Variants in CHRNA3 observed in about 807,000 individuals in gnomAD.
The protein encoded by CHRNA3 is cholinergic receptor nicotinic alpha 3 subunit, also known as neuronal acetylcholine receptor subunit alpha-3.
In CHRNA3, 34 loss-of-function variants were observed where a neutral mutation model predicts 41.9. The observed-to-expected ratio is 0.81, with a 90% confidence interval of 0.62 to 1.08. CHRNA3 has a LOEUF of 1.08. CHRNA3 is among the 50% of genes least tolerant of loss of function. The pLI, the probability that CHRNA3 is intolerant of heterozygous loss-of-function variation, is 0.00. For synonymous variants in CHRNA3, 281 were observed against 265.2 expected (o/e 1.06, Z -0.58); for missense variants, 542 against 638.3 (o/e 0.85, Z 1.63).
chr15:78,597,426 G>A (rs1381010313), intron 5 of CHRNA3, among the ~76,000 whole-genome samples: 1 of 135,310 alleles, frequency 7.4e-6, no homozygotes, highest in African/African-American at 2.8e-5. Context: ...GCGAGACCCT[G>A]TCTCAAAAAC....
intron 4 of CHRNA3, among the ~76,000 whole-genome samples, chr15:78,604,612 C>T (rs1211565285): frequency 6.6e-6 from 1 of 152,222 alleles, no homozygotes; most frequent in African/African-American, 2.4e-5. Context: ...CATATCTCTA[C>T]TAGCAGAAGA....
chr15:78,606,390 C>G (rs937828029), intron 4 of CHRNA3, among the ~76,000 whole-genome samples: 4 of 145,660 alleles, frequency 2.7e-5, no homozygotes, highest in African/African-American at 7.6e-5. Flanking sequence ...ACGCAGATAA[C>G]AGCAACTACA....
chr15:78,618,571 AC>A (rs2053500243), intron 3 of CHRNA3, 45 bp downstream of exon 3: 1 of 1,611,276 alleles, frequency 6.2e-7, no homozygotes, highest in Non-Finnish European at 8.5e-7. Flanking sequence ...AGCAAATAAA[AC>A]AGTCACCACC....
At chr15:78,613,769 A>C (rs973218210) in intron 4 of CHRNA3, among the ~76,000 whole-genome samples, 2 of 73,526 alleles carry the variant, frequency 2.7e-5, no homozygotes, top group African/African-American at 1.8e-4. Context: ...AACAAACAAA[A>C]AAAAAACCAA....
intron 5 of CHRNA3, among the ~76,000 whole-genome samples, chr15:78,597,459 CATCT>C (rs1236501253): frequency 4.6e-5 from 7 of 152,008 alleles, no homozygotes; most frequent in African/African-American, 1.7e-4. Context: ...TTCCTTTTAA[CATCT>C]GTTCCAAAAA....
downstream of CHRNA3, chr15:78,593,167 G>A: frequency 6.2e-7 from 1 of 1,613,824 alleles, no homozygotes; most frequent in East Asian, 2.2e-5. Flanking sequence ...CGTTTCAATT[G>A]TTGGATCTCT....
intron 4 of CHRNA3, among the ~76,000 whole-genome samples, chr15:78,605,229 T>A (rs1222512607): frequency 2.0e-5 from 3 of 152,094 alleles, no homozygotes; most frequent in African/African-American, 7.2e-5. Context: ...CATGATGGCA[T>A]GGGTTTTTAA....
At chr15:78,616,349 T>TCCCC (rs2053460568) in intron 4 of CHRNA3, among the ~76,000 whole-genome samples, 1 of 130,952 alleles carries the variant, frequency 7.6e-6, no homozygotes, top group African/African-American at 3.0e-5. Context: ...AGACTCAGTC[T>TCCCC]TCCCCCCCCC....
chr15:78,618,616 C>CT lies in CHRNA3; in HGVS notation c.267dup (p.Ile90AsnfsTer4). ...GCAGTGCCTAGGGTCTGGTCACTTA[C>CT]TTGCTTGAGCCACAGGTTGGTCTCC... On this transcript the variant is annotated frameshift_variant and splice_region_variant. Transcript: ENST00000326828. LOFTEE classifies it high-confidence loss of function. 6.2e-7 allele frequency: 1 copy of CT among 1,614,136 alleles called. No individual in the cohort carries two copies. The highest frequency in any genetic ancestry group is 8.5e-7 in the Non-Finnish European group (1 of 1,180,036).
intron 4 of CHRNA3, among the ~76,000 whole-genome samples, chr15:78,611,654 CG>C (rs2053381571): frequency 6.6e-6 from 1 of 151,620 alleles, no homozygotes; most frequent in African/African-American, 2.4e-5. Context: ...CTTTTGAAAA[CG>C]GGCACAAGAC....
At chr15:78,620,627 G>C in intron 1 of CHRNA3, 86 bp downstream of exon 1, 1 of 1,440,904 alleles carries the variant, frequency 6.9e-7, no homozygotes, top group Non-Finnish European at 9.0e-7. Flanking sequence ...GCTCGCCCGC[G>C]CGGTGTTCTC....
At chr15:78,606,113 G>A (rs940710606) in intron 4 of CHRNA3, among the ~76,000 whole-genome samples, 4 of 151,852 alleles carry the variant, frequency 2.6e-5, no homozygotes, top group Admixed American at 6.6e-5. Flanking sequence ...CTGAAGTCAG[G>A]AGTTCGAGAC....
chr15:78,593,399 G>T, downstream of CHRNA3: 2 of 714,038 alleles, frequency 2.8e-6, no homozygotes, highest in Non-Finnish European at 2.1e-6. Context: ...GTTAACAGAT[G>T]ATCCATTTGA....
chr15:78,596,775 G>T, intron 5 of CHRNA3, 43 bp from the exon 6 acceptor site: 1 of 1,565,090 alleles, frequency 6.4e-7, no homozygotes. Context: ...TGGAGGGAAA[G>T]GCAAATGAAT....
At chr15:78,600,352 G>A (rs1434198787) in intron 5 of CHRNA3, among the ~76,000 whole-genome samples, 2 of 152,230 alleles carry the variant, frequency 1.3e-5, no homozygotes, top group African/African-American at 4.8e-5. Flanking sequence ...TAGGATTACA[G>A]GCGTGAGCCA....
chr15:78,620,616 C>A, intron 1 of CHRNA3, 97 bp downstream of exon 1: 1 of 1,419,978 alleles, frequency 7.0e-7, no homozygotes, highest in Non-Finnish European at 9.1e-7. Context: ...CAGCCCTCTC[C>A]GCTCGCCCGC....
chr15:78,596,188 A>G lies in CHRNA3; in HGVS notation c.*416T>C, dbSNP rs2053107084. On this transcript the variant is annotated 3_prime_UTR_variant, in exon 6 of 6. Coordinates refer to ENST00000326828, the MANE Select transcript of CHRNA3 (RefSeq NM_000743.5). ...AACGATGGGGGATTGCTGAATTAGT[A>G]TAAACCTTCAAAGAGATTATGGGCT... The G allele has an allele frequency of 8.1e-6, 8 of 985,698 alleles. No individual in the cohort carries two copies. The highest frequency in any genetic ancestry group is 9.6e-6 in the Non-Finnish European group (8 of 830,568). The allele number at this position is 985,698 out of a possible 1,614,324, so 61.1% of individuals were successfully genotyped here. A position where few individuals can be genotyped will look rare whatever the true frequency, so the allele number is the denominator to read the frequency against.
At chr15:78,599,411 C>T (rs1391199100) in intron 5 of CHRNA3, among the ~76,000 whole-genome samples, 1 of 151,974 alleles carries the variant, frequency 6.6e-6, no homozygotes, top group East Asian at 2.0e-4. Context: ...CTTTAAAGAC[C>T]CAGAAACTGG....
At chr15:78,613,626 C>G (rs1012629621) in intron 4 of CHRNA3, among the ~76,000 whole-genome samples, 1 of 150,158 alleles carries the variant, frequency 6.7e-6, no homozygotes, top group South Asian at 2.1e-4. Flanking sequence ...TGCTAAATGA[C>G]GAGTTAATGG....
Sources: gnomAD v4.1 joint callset for allele counts (sites outside exome capture counted in the v4.1 genomes callset) on GRCh38, gnomAD v4.1.1 for gene constraint, MANE v1.5 for transcripts, NCBI Gene and HGNC (gene_info 2026-07-23, HGNC 2026-07-21) for gene names.